Variants in FARS2 observed in about 807,000 individuals in gnomAD.
FARS2 encodes phenylalanyl-tRNA synthetase 2, mitochondrial.
In FARS2, 40 loss-of-function variants were observed where a neutral mutation model predicts 46.4. The ratio of observed to expected loss-of-function variants is 0.86; its 90% CI spans 0.67 to 1.12. The LOEUF is 1.12. FARS2 is among the 50% of genes most tolerant of loss of function. The pLI, the probability that FARS2 is intolerant of heterozygous loss-of-function variation, is 0.00. For synonymous variants in FARS2, 234 were observed against 214.9 expected (o/e 1.09, Z -0.78); for missense variants, 513 against 567.9 (o/e 0.90, Z 0.98).
chr6:5,319,652 C>T (rs1769825343), intron 1 of FARS2, among the ~76,000 whole-genome samples: 1 of 152,200 alleles, frequency 6.6e-6, no homozygotes, highest in African/African-American at 2.4e-5. Context: ...CTCACTCCTG[C>T]TCTAAAAGTT....
Position 5,278,742 on chromosome 6 carries a change from A to G in FARS2, c.-22+17082A>G, listed in dbSNP as rs536720695. Among the ~76,000 whole-genome samples the G allele has an allele frequency of 1.2e-3, 189 of 152,320 alleles. 1 individual carries two copies. Among genetic ancestry groups the G allele is most frequent in the African/African-American group, 4.3e-3 (180 of 41,578 alleles). Reference sequence around the variant, plus strand: ...ACATTTGACTCTGAATTAATTGGGTATGAGATGCAGCCTTCCCCCTCTCCA... The same window carrying G: ...ACATTTGACTCTGAATTAATTGGGTGTGAGATGCAGCCTTCCCCCTCTCCA... On this transcript the variant is annotated intron_variant, in intron 1 of 6. Transcript: ENST00000274680.
At chr6:5,700,463 A>G (rs1410353066) in intron 6 of FARS2, among the ~76,000 whole-genome samples, 5 of 151,862 alleles carry the variant, frequency 3.3e-5, no homozygotes, top group Non-Finnish European at 5.9e-5. Context: ...CTGGAGTGCA[A>G]TGGCACAGTC....
chr6:5,597,364 A>G (rs1433137704), intron 5 of FARS2, among the ~76,000 whole-genome samples: 3 of 152,172 alleles, frequency 2.0e-5, no homozygotes, highest in East Asian at 1.9e-4. Context: ...CTCCTGGTGC[A>G]CAGTGCCACA....
At chr6:5,738,965 T>C (rs1400920286) in intron 6 of FARS2, among the ~76,000 whole-genome samples, 1 of 152,192 alleles carries the variant, frequency 6.6e-6, no homozygotes, top group Non-Finnish European at 1.5e-5. Context: ...GCATCAGTCA[T>C]GCCACATTCT....
intron 6 of FARS2, among the ~76,000 whole-genome samples, chr6:5,650,933 A>T (rs1001912445): frequency 6.6e-6 from 1 of 152,148 alleles, no homozygotes; most frequent in Admixed American, 6.6e-5. Context: ...GCGAGCTTCC[A>T]CCAATTATTC....
rs548527370 is a variant in FARS2, at chr6:5,647,037, G to A, written c.1217+33717G>A. Among the ~76,000 whole-genome samples, 279 of 152,302 alleles carry A rather than the reference G, an allele frequency of 1.8e-3. 2 individuals are homozygous for A. The highest frequency in any genetic ancestry group is 6.4e-3 in the African/African-American group (268 of 41,566). On this transcript the variant is annotated intron_variant, in intron 6 of 6. Coordinates refer to ENST00000274680, the MANE Select transcript of FARS2 (RefSeq NM_006567.5). Reference sequence around the variant, plus strand: ...AGCTGTGACAAGCTCCTAGTTGAAGGCATAGGAGCAGGAGAATGAAAACAA... The same window carrying A: ...AGCTGTGACAAGCTCCTAGTTGAAGACATAGGAGCAGGAGAATGAAAACAA...
chr6:5,307,287 C>T (rs1469479790), intron 1 of FARS2, among the ~76,000 whole-genome samples: 1 of 152,108 alleles, frequency 6.6e-6, no homozygotes. Flanking sequence ...AGTTGGCTGT[C>T]TCTTCACTCA....
intron 6 of FARS2, among the ~76,000 whole-genome samples, chr6:5,674,436 C>T (rs1320743757): frequency 6.6e-6 from 1 of 152,154 alleles, no homozygotes; most frequent in East Asian, 1.9e-4. Flanking sequence ...GATGTAGGTT[C>T]CAGCTGGCCA....
intron 5 of FARS2, among the ~76,000 whole-genome samples, chr6:5,583,261 G>A (rs1312981385): frequency 6.6e-6 from 1 of 152,190 alleles, no homozygotes; most frequent in Non-Finnish European, 1.5e-5. Context: ...TTTCTATCTT[G>A]TTTGCATGAG....
chr6:5,259,476 G>C (rs1181571855), upstream of FARS2, among the ~76,000 whole-genome samples: 1 of 152,222 alleles, frequency 6.6e-6, no homozygotes, highest in Admixed American at 6.5e-5. Context: ...CCCAGATGCT[G>C]TTTTCAAATT....
At chr6:5,609,458 A>C in intron 5 of FARS2, 1 of 1,213,890 alleles carries the variant, frequency 8.2e-7, no homozygotes, top group South Asian at 1.2e-5. Flanking sequence ...CAAATCCATT[A>C]TAGCCATCCG....
intron 5 of FARS2, among the ~76,000 whole-genome samples, chr6:5,562,794 TTTTTTC>T (rs1199829390): frequency 6.6e-6 from 1 of 151,308 alleles, no homozygotes; most frequent in African/African-American, 2.4e-5. Context: ...TTTTCTTTTC[TTTTTTC>T]TTTTTCTTTT....
intron 2 of FARS2, among the ~76,000 whole-genome samples, chr6:5,397,730 T>C (rs1760993856): frequency 6.6e-6 from 1 of 152,250 alleles, no homozygotes; most frequent in Admixed American, 6.5e-5. Flanking sequence ...GGACTAGAAT[T>C]CAATCTAGGA....
intron 6 of FARS2, among the ~76,000 whole-genome samples, chr6:5,736,241 G>A (rs79973685): frequency 0.052 from 7,909 of 152,252 alleles, 682 homozygotes; most frequent in African/African-American, 0.18. Context: ...GATTCCCCAG[G>A]GAGTGACCCA....
intron 4 of FARS2, among the ~76,000 whole-genome samples, chr6:5,436,060 G>T (rs1763504498): frequency 6.6e-6 from 1 of 151,910 alleles, no homozygotes; most frequent in African/African-American, 2.4e-5. Flanking sequence ...ACAATACACA[G>T]ACATACAAAC....
chr6:5,573,192 C>A (rs954159564), intron 5 of FARS2, among the ~76,000 whole-genome samples: 25 of 152,158 alleles, frequency 1.6e-4, no homozygotes, highest in African/African-American at 6.0e-4. Context: ...TGTGCTCAGC[C>A]ATTGAGTTCA....
chr6:5,754,369 T>C (rs1762103677), intron 6 of FARS2, among the ~76,000 whole-genome samples: 1 of 152,224 alleles, frequency 6.6e-6, no homozygotes, highest in Non-Finnish European at 1.5e-5. Flanking sequence ...AGATCAGCTC[T>C]CCTGAGCTAT....
chr6:5,413,632 T>C (rs1439668284), intron 3 of FARS2, among the ~76,000 whole-genome samples: 1 of 152,198 alleles, frequency 6.6e-6, no homozygotes, highest in Non-Finnish European at 1.5e-5. Flanking sequence ...TTATCAGAAC[T>C]CTGTTATCAA....
intron 4 of FARS2, among the ~76,000 whole-genome samples, chr6:5,460,381 C>T (rs9405835): frequency 6.6e-6 from 1 of 152,020 alleles, no homozygotes; most frequent in Admixed American, 6.5e-5. Context: ...GTTTTTCAGG[C>T]GTTCAGTTGG....
Sources: allele counts gnomAD v4.1 joint callset (sites outside exome capture counted in the v4.1 genomes callset), GRCh38; gene constraint gnomAD v4.1.1; transcripts MANE v1.5; gene names NCBI Gene and HGNC (gene_info 2026-07-23, HGNC 2026-07-21).